Variants in DMXL2 observed in about 807,000 individuals in gnomAD.
DMXL2 encodes the protein Dmx like 2.
Under a neutral mutation model 331.1 loss-of-function variants are expected in DMXL2, and 103 were observed. The observed-to-expected ratio is 0.31, with a 90% CI of 0.27 to 0.37. The LOEUF (loss-of-function observed/expected upper bound fraction) is 0.37, where lower values mean the gene tolerates loss of function less well. Among genes scored for constraint, DMXL2 ranks in the 10% least tolerant of loss-of-function variants. DMXL2 has a pLI of 1.00. For missense variants in DMXL2, 3,171 were observed against 3,642.9 expected (o/e 0.87, Z 3.33); for synonymous variants, 1,281 against 1,252.1 (o/e 1.02, Z -0.49).
intron 15 of DMXL2, among the ~76,000 whole-genome samples, chr15:51,512,530 G>C (rs1395771947): frequency 6.6e-6 from 1 of 152,280 alleles, no homozygotes; most frequent in South Asian, 2.1e-4. Context: ...TTTCAGGGGG[G>C]CCAGGCGTAG....
At chr15:51,538,131 A>G in intron 10 of DMXL2, 82 bp downstream of exon 10, 3 of 1,473,264 alleles carry the variant, frequency 2.0e-6, no homozygotes, top group Non-Finnish European at 2.7e-6. Context: ...GAAGAGCGGG[A>G]AGGAAGAATT....
chr15:51,528,232 T>C (rs2047792009), intron 13 of DMXL2, among the ~76,000 whole-genome samples: 1 of 152,126 alleles, frequency 6.6e-6, no homozygotes, highest in Non-Finnish European at 1.5e-5. Context: ...AGTCCTTACT[T>C]ACTAATTACT....
At chr15:51,616,987 A>G (rs1392534768) in intron 1 of DMXL2, among the ~76,000 whole-genome samples, 1 of 151,188 alleles carries the variant, frequency 6.6e-6, no homozygotes, top group African/African-American at 2.4e-5. Context: ...GTCTGACTAA[A>G]TCTGAATTTT....
intron 4 of DMXL2, 131 bp from the exon 5 acceptor site, chr15:51,564,391 C>G: frequency 3.4e-6 from 2 of 591,336 alleles, no homozygotes; most frequent in South Asian, 5.0e-5. Flanking sequence ...ACGAAAAACA[C>G]TTGGTATATA....
intron 6 of DMXL2, among the ~76,000 whole-genome samples, chr15:51,562,805 A>G (rs2050050176): frequency 6.6e-6 from 1 of 152,206 alleles, no homozygotes; most frequent in African/African-American, 2.4e-5. Flanking sequence ...AAGTGAAATG[A>G]ATATGTGTAT....
At chr15:51,547,627 G>C (rs942425921) in intron 6 of DMXL2, among the ~76,000 whole-genome samples, 2 of 152,040 alleles carry the variant, frequency 1.3e-5, no homozygotes, top group African/African-American at 4.8e-5. Flanking sequence ...GTGTGATATT[G>C]TTTTTCAAAT....
chr15:51,465,542 T>C, intron 31 of DMXL2, 24 bp downstream of exon 31: 1 of 1,518,812 alleles, frequency 6.6e-7, no homozygotes, highest in Non-Finnish European at 9.1e-7. Context: ...CTTAATAACA[T>C]TAATTTTTAA....
rs1176713473 is a variant in DMXL2 at position 51,500,070 on chromosome 15, G to C, written c.3154C>G (p.Pro1052Ala). 1.9e-6 allele frequency: 3 copies of C among 1,614,050 alleles called. No homozygotes were observed. The highest frequency in any genetic ancestry group is 2.2e-5 in the East Asian group (1 of 44,874). The change falls in exon 18 of 44, where the codon CCT (proline) becomes GCT (alanine). Residue 1052 changes from proline (P) to alanine (A), a missense_variant. This residue lies in a region of DMXL2 where 1,674 missense variants were observed against 1,780.2 expected (regional missense o/e 0.94). Transcript: ENST00000560891. ...TCTTCTCCTTCATCATTCATCAAAGGCCATCTCTTCCAATGATAAATTTCT... is the reference window on the plus strand; with the variant it reads ...TCTTCTCCTTCATCATTCATCAAAGCCCATCTCTTCCAATGATAAATTTCT... Reference protein sequence around the residue: ...EKEIYHWKRWPLMNDEGEDNS... With the variant: ...EKEIYHWKRWALMNDEGEDNS...
intron 25 of DMXL2, 143 bp downstream of exon 25, chr15:51,479,805 A>C (rs2041876010): frequency 2.0e-6 from 1 of 495,842 alleles, no homozygotes; most frequent in African/African-American, 2.0e-5. Flanking sequence ...AATTACATTC[A>C]TTGGACTAAT....
At chr15:51,613,638 T>G (rs2054116082) in intron 1 of DMXL2, among the ~76,000 whole-genome samples, 1 of 152,238 alleles carries the variant, frequency 6.6e-6, no homozygotes. Context: ...TTTTTTACAA[T>G]GCAGATATTA....
chr15:51,550,968 T>G (rs1288752017), intron 6 of DMXL2, among the ~76,000 whole-genome samples: 1 of 152,120 alleles, frequency 6.6e-6, no homozygotes, highest in African/African-American at 2.4e-5. Context: ...AGTAATTGAA[T>G]TTGAGTCTCA....
At position 51,613,742 on chromosome 15, in the gene DMXL2, T is replaced by G. The variant is rs575065796; in HGVS notation, c.87+8717A>C. Among the ~76,000 whole-genome samples the G allele has an allele frequency of 2.7e-4, 41 of 152,278 alleles. 2 individuals carry two copies. The South Asian group carries it at 8.3e-3, about 31-fold the overall frequency. Reference sequence around the variant, plus strand: ...CAAACTGTGCTTGTAATTATGTCTATATAAAATTTGTCCAGCATAAAATTA... The same window carrying G: ...CAAACTGTGCTTGTAATTATGTCTAGATAAAATTTGTCCAGCATAAAATTA... On this transcript the variant is annotated intron_variant, in intron 1 of 43. Coordinates refer to ENST00000560891, the MANE Select transcript of DMXL2 (RefSeq NM_001378457.1).
chr15:51,498,288 T>C (rs1021947882), intron 18 of DMXL2, among the ~76,000 whole-genome samples: 1 of 151,862 alleles, frequency 6.6e-6, no homozygotes, highest in East Asian at 1.9e-4. Context: ...AAAACAAGAT[T>C]ATAAATCCAA....
intron 41 of DMXL2, among the ~76,000 whole-genome samples, chr15:51,452,381 T>G (rs2039224840): frequency 6.6e-6 from 1 of 151,988 alleles, no homozygotes; most frequent in Admixed American, 6.6e-5. Flanking sequence ...ACAAGGGACT[T>G]ATATCTAGAA....
chr15:51,453,830 G>A (rs2039376736), intron 40 of DMXL2, among the ~76,000 whole-genome samples, 189 bp from the exon 41 acceptor site: 2 of 152,198 alleles, frequency 1.3e-5, no homozygotes, highest in Non-Finnish European at 2.9e-5. Context: ...TTTGGCTACT[G>A]TCCAATAATT....
intron 1 of DMXL2, among the ~76,000 whole-genome samples, chr15:51,613,688 GTTT>G (rs1368928979): frequency 1.3e-5 from 2 of 152,054 alleles, no homozygotes; most frequent in African/African-American, 2.4e-5. Flanking sequence ...ATTCTTTGGG[GTTT>G]TTATTTGCTT....
At chr15:51,517,377 A>G (rs1178814755) in intron 13 of DMXL2, among the ~76,000 whole-genome samples, 1 of 152,224 alleles carries the variant, frequency 6.6e-6, no homozygotes, top group Non-Finnish European at 1.5e-5. Flanking sequence ...GTTTACAAAA[A>G]TAGCATATAA....
chr15:51,569,159 C>T lies in DMXL2; in HGVS notation c.214-601G>A, dbSNP rs149237960. On this transcript the variant is annotated intron_variant, in intron 2 of 43. Transcript: ENST00000560891. ...AGTGTCTGGTTCAGCGGGTCCCACC[C>T]CCACGGAGCCCAGCAAGCTAAGATC... is the stretch of plus-strand genomic sequence containing the variant. Among the ~76,000 whole-genome samples the T allele has an allele frequency of 2.9e-3, 436 of 152,318 alleles. 1 individual carries two copies. The highest frequency in any genetic ancestry group is 5.3e-3 in the Non-Finnish European group (362 of 68,016).
intron 6 of DMXL2, among the ~76,000 whole-genome samples, chr15:51,561,421 G>C (rs1410845811): frequency 6.6e-6 from 1 of 152,152 alleles, no homozygotes; most frequent in Non-Finnish European, 1.5e-5. Flanking sequence ...GGTAGCAGAG[G>C]CTGTAGTGAG....
Sources: gnomAD v4.1 joint callset for allele counts (sites outside exome capture counted in the v4.1 genomes callset) on GRCh38, gnomAD v4.1.1 for gene constraint, gnomAD v4.1.1 regional missense constraint, MANE v1.5 for transcripts, NCBI Gene and HGNC (gene_info 2026-07-23, HGNC 2026-07-21) for gene names.